The following AGBL1 variants were observed in gnomAD, a reference collection of about 807,000 sequenced individuals.
AGBL1 encodes AGBL carboxypeptidase 1, also known as cytosolic carboxypeptidase 4.
Under a neutral mutation model 118.9 loss-of-function variants are expected in AGBL1, and 130 were observed. The ratio of observed to expected loss-of-function variants is 1.09; its 90% CI spans 0.95 to 1.26. The LOEUF (loss-of-function observed/expected upper bound fraction) is 1.26, where lower values mean the gene tolerates loss of function less well. Among genes scored for constraint, AGBL1 ranks in the 50% most tolerant of loss-of-function variants. The pLI is 0.00. For missense variants in AGBL1, 1,584 were observed against 1,298.1 expected (o/e 1.22, Z -3.38); for synonymous variants, 555 against 478.9 (o/e 1.16, Z -2.08).
intron 22 of AGBL1, among the ~76,000 whole-genome samples, chr15:86,792,137 T>C (rs1393931333): frequency 1.3e-5 from 2 of 152,182 alleles, no homozygotes; most frequent in South Asian, 2.1e-4. Flanking sequence ...CCCACACTTA[T>C]TCTGAAGTAG....
At chr15:86,829,763 T>G (rs1278866657) in intron 22 of AGBL1, among the ~76,000 whole-genome samples, 1 of 152,030 alleles carries the variant, frequency 6.6e-6, no homozygotes, top group Non-Finnish European at 1.5e-5. Flanking sequence ...AAGCATACAG[T>G]TATTTTATTT....
At chr15:86,695,321 G>T (rs1002281834) in intron 22 of AGBL1, among the ~76,000 whole-genome samples, 16 of 152,124 alleles carry the variant, frequency 1.1e-4, no homozygotes, top group Non-Finnish European at 2.1e-4. Context: ...TTTAAACTGG[G>T]AGGGTTGTAT....
intron 22 of AGBL1, among the ~76,000 whole-genome samples, chr15:86,868,344 C>G (rs780085310): frequency 6.6e-6 from 1 of 152,170 alleles, no homozygotes; most frequent in African/African-American, 2.4e-5. Context: ...GCTAACCAAG[C>G]CACACAAGAC....
chr15:86,202,216 C>G (rs2077919037), intron 5 of AGBL1, among the ~76,000 whole-genome samples: 1 of 152,114 alleles, frequency 6.6e-6, no homozygotes, highest in Non-Finnish European at 1.5e-5. Flanking sequence ...TCCCTTGAAC[C>G]CAGGAGGGAG....
chr15:86,667,214 C>G (rs11853959), intron 21 of AGBL1, among the ~76,000 whole-genome samples: 94 of 35,676 alleles, frequency 2.6e-3, no homozygotes, highest in East Asian at 0.01. Flanking sequence ...ATGTATGTAT[C>G]TATGTATGTA....
At position 86,106,304 on chromosome 15, in the gene AGBL1, A is replaced by G. The variant is rs115037156; in HGVS notation, c.51+26281A>G. Among the ~76,000 whole-genome samples, 433 of 152,336 alleles carry G rather than the reference A, an allele frequency of 2.8e-3. 2 individuals carry two copies. Among genetic ancestry groups the G allele is most frequent in the African/African-American group, 0.01 (423 of 41,572 alleles). On this transcript the variant is annotated intron_variant, in intron 1 of 22. Transcript: ENST00000614907. ...CCTAGAACAAAATGCATTTGGATGTACCCACTGTACCTATGATCAAAGCAA... is the reference window on the plus strand; with the variant it reads ...CCTAGAACAAAATGCATTTGGATGTGCCCACTGTACCTATGATCAAAGCAA...
At position 86,079,940 on chromosome 15, in the gene AGBL1, G is replaced by T. The variant is rs950305792; in HGVS notation, c.-33G>T. The T allele has an allele frequency of 1.6e-6, 2 of 1,229,776 alleles. No homozygotes were observed. The highest frequency in any genetic ancestry group is 1.6e-5 in the African/African-American group (1 of 64,402). 76.2% of individuals were successfully genotyped at this position (1,229,776 alleles called of 1,614,324 possible). ...CTGCCTCTCCAGCCTGGATCTGGCC[G>T]CAGGCAGCGGTTCCCTAGGACCCGA... is the stretch of plus-strand genomic sequence containing the variant. On this transcript the variant is annotated 5_prime_UTR_variant, in exon 1 of 23. Transcript: ENST00000614907.
chr15:86,451,124 T>C (rs1047630988), intron 18 of AGBL1, among the ~76,000 whole-genome samples: 1 of 152,232 alleles, frequency 6.6e-6, no homozygotes, highest in Non-Finnish European at 1.5e-5. Context: ...AGAACATTTT[T>C]GTATGCCTTG....
chr15:86,216,081 C>T (rs117056507), intron 5 of AGBL1, among the ~76,000 whole-genome samples: 4,823 of 152,134 alleles, frequency 0.032, 119 homozygotes, highest in East Asian at 0.083. Context: ...ATACAATTGA[C>T]GTTTGTATGT....
chr15:86,736,762 G>T (rs1414429498), intron 22 of AGBL1, among the ~76,000 whole-genome samples: 2 of 152,120 alleles, frequency 1.3e-5, no homozygotes, highest in Non-Finnish European at 2.9e-5. Flanking sequence ...GTATAAACAG[G>T]CCTGCGACAT....
intron 22 of AGBL1, among the ~76,000 whole-genome samples, chr15:86,767,023 T>C (rs1282428569): frequency 6.6e-6 from 1 of 152,034 alleles, no homozygotes; most frequent in African/African-American, 2.4e-5. Flanking sequence ...AATTTATGTG[T>C]TATTAAATAG....
At position 86,796,017 on chromosome 15, in the gene AGBL1, C is replaced by T. The variant is rs909626845; in HGVS notation, c.3159-111070C>T. Reference sequence around the variant, plus strand: ...TGTACATGAGGCACTCAAGACTATGCAGCAGTCTTCTTACATGTGTCAACC... The same window carrying T: ...TGTACATGAGGCACTCAAGACTATGTAGCAGTCTTCTTACATGTGTCAACC... On this transcript the variant is annotated intron_variant, in intron 22 of 22. Coordinates refer to ENST00000614907, the MANE Select transcript of AGBL1 (RefSeq NM_001386094.1). Among the ~76,000 whole-genome samples, 9 of 152,016 alleles carry T rather than the reference C, an allele frequency of 5.9e-5. No individual in the cohort carries two copies. In the South Asian group the frequency reaches 1.0e-3, roughly 18 times the overall value.
chr15:86,699,279 C>T (rs2086315788), intron 22 of AGBL1, among the ~76,000 whole-genome samples: 1 of 151,952 alleles, frequency 6.6e-6, no homozygotes, highest in Non-Finnish European at 1.5e-5. Flanking sequence ...TATAATTCAA[C>T]TTTATTCCTT....
intron 22 of AGBL1, among the ~76,000 whole-genome samples, chr15:86,812,212 C>G (rs111518229): frequency 2.0e-5 from 3 of 152,064 alleles, no homozygotes; most frequent in Non-Finnish European, 4.4e-5. Context: ...AGAATTAAGC[C>G]TGAATACCTT....
At chr15:86,268,403 T>C (rs956662140) in intron 13 of AGBL1, among the ~76,000 whole-genome samples, 1 of 152,184 alleles carries the variant, frequency 6.6e-6, no homozygotes, top group Non-Finnish European at 1.5e-5. Context: ...CCAGATATCA[T>C]GTTCAAAGGA....
chr15:86,112,172 T>G (rs760655404), intron 1 of AGBL1, among the ~76,000 whole-genome samples: 1 of 152,036 alleles, frequency 6.6e-6, no homozygotes, highest in African/African-American at 2.4e-5. Flanking sequence ...TGTAATGTAC[T>G]TCAATCAACC....
chr15:86,802,947 G>A (rs149734975), intron 22 of AGBL1, among the ~76,000 whole-genome samples: 93 of 152,244 alleles, frequency 6.1e-4, no homozygotes, highest in African/African-American at 2.1e-3. Context: ...TAGGTAAGAA[G>A]CAAATCACTA....
At chr15:86,460,620 G>A (rs549913416) in intron 18 of AGBL1, among the ~76,000 whole-genome samples, 57 of 152,288 alleles carry the variant, frequency 3.7e-4, no homozygotes, top group African/African-American at 1.3e-3. Flanking sequence ...GGCCTGAGAC[G>A]AACTTGGGAA....
At chr15:86,223,047 T>A (rs1012115373) in intron 5 of AGBL1, among the ~76,000 whole-genome samples, 2 of 152,160 alleles carry the variant, frequency 1.3e-5, no homozygotes, top group Admixed American at 1.3e-4. Context: ...GACCCACACT[T>A]TGAGTAGCAA....
Sources: allele counts gnomAD v4.1 joint callset (sites outside exome capture counted in the v4.1 genomes callset), GRCh38; gene constraint gnomAD v4.1.1; transcripts MANE v1.5; gene names NCBI Gene and HGNC (gene_info 2026-07-23, HGNC 2026-07-21).